TMTC1: variants seen among roughly 807,000 people sequenced by gnomAD.
TMTC1 encodes transmembrane O-mannosyltransferase targeting cadherins 1, also known as protein O-mannosyl-transferase TMTC1.
Under a neutral mutation model 104.8 loss-of-function variants are expected in TMTC1, and 73 were observed. The ratio of observed to expected loss-of-function variants is 0.70; its 90% CI spans 0.58 to 0.85. TMTC1 has a LOEUF of 0.85. Ranked by LOEUF, TMTC1 falls within the 40% of genes least tolerant of loss-of-function variation. The pLI is 0.00. For missense variants in TMTC1, 1,035 were observed against 1,096.1 expected (o/e 0.94, Z 0.79); for synonymous variants, 434 against 428.7 (o/e 1.01, Z -0.15).
intron 5 of TMTC1, chr12:29,658,601 A>C (rs185932115): frequency 4.2e-4 from 84 of 200,018 alleles, no homozygotes; most frequent in African/African-American, 1.9e-3. Flanking sequence ...GCTGGGTAAC[A>C]CTGTAGACTC....
chr12:29,754,642 C>A (rs901071946), intron 4 of TMTC1, among the ~76,000 whole-genome samples: 18 of 152,102 alleles, frequency 1.2e-4, no homozygotes, highest in African/African-American at 3.9e-4. Context: ...TCACATAGGC[C>A]AAAGGGAGGG....
At chr12:29,561,968 A>G (rs752528227) in intron 9 of TMTC1, among the ~76,000 whole-genome samples, 1 of 152,234 alleles carries the variant, frequency 6.6e-6, no homozygotes, top group Non-Finnish European at 1.5e-5. Flanking sequence ...TTCCACCATA[A>G]AACCAGAATT....
At chr12:29,720,752 C>CA (rs1487469545) in intron 5 of TMTC1, among the ~76,000 whole-genome samples, 5 of 151,930 alleles carry the variant, frequency 3.3e-5, no homozygotes, top group Admixed American at 6.6e-5. Flanking sequence ...TTAAAACAGA[C>CA]AATGGCCACA....
At chr12:29,540,331 A>T (rs1488798895) in intron 10 of TMTC1, among the ~76,000 whole-genome samples, 1 of 152,234 alleles carries the variant, frequency 6.6e-6, no homozygotes, top group Non-Finnish European at 1.5e-5. Context: ...ATTCAGCATT[A>T]TAAATTTGGC....
chr12:29,660,966 G>T, intron 5 of TMTC1: 1 of 743,056 alleles, frequency 1.3e-6, no homozygotes, highest in Non-Finnish European at 1.9e-6. Flanking sequence ...AGACGCTGCA[G>T]CTCTGAAGAA....
rs373093058 is a variant in TMTC1 at position 29,570,873 on chromosome 12, A to G, written c.1532+1232T>C. On this transcript the variant is annotated intron_variant, in intron 9 of 17. Transcript: ENST00000539277. The stretch of plus-strand genomic sequence containing the variant: ...AACAAAACAAAACAAAACAAAAAAA[A>G]CAGAAACACCCCCCCCCCCCGCCAA... 2.4e-3 allele frequency among the ~76,000 whole-genome samples: 102 copies of G among 42,922 alleles called. 3 individuals carry two copies. Among genetic ancestry groups the G allele is most frequent in the African/African-American group, 3.8e-3 (66 of 17,388 alleles). 28.2% of individuals were successfully genotyped at this position (42,922 alleles called of 152,430 possible). A position where few individuals can be genotyped will look rare whatever the true frequency, so the allele number is the denominator to read the frequency against.
At chr12:29,704,778 C>A (rs1389919404) in intron 5 of TMTC1, among the ~76,000 whole-genome samples, 7 of 152,164 alleles carry the variant, frequency 4.6e-5, no homozygotes. Flanking sequence ...TTATACAAGA[C>A]TTGACACTAG....
intron 5 of TMTC1, among the ~76,000 whole-genome samples, chr12:29,685,974 C>G (rs1941080637): frequency 6.7e-6 from 1 of 149,856 alleles, no homozygotes; most frequent in Non-Finnish European, 1.5e-5. Context: ...AGCCACTTTT[C>G]TTGATGTTGA....
chr12:29,527,100 G>A, intron 11 of TMTC1, among the ~76,000 whole-genome samples: 1 of 152,140 alleles, frequency 6.6e-6, no homozygotes, highest in East Asian at 1.9e-4. Flanking sequence ...AAGGAAAGAA[G>A]CCTGTCAAAT....
intron 5 of TMTC1, among the ~76,000 whole-genome samples, chr12:29,714,451 A>C (rs551567818): frequency 1.3e-5 from 2 of 152,180 alleles, no homozygotes; most frequent in African/African-American, 2.4e-5. Flanking sequence ...GAATTTTTTT[A>C]AACCACAAAT....
chr12:29,575,805 C>A (rs150026239), intron 8 of TMTC1, among the ~76,000 whole-genome samples: 193 of 152,288 alleles, frequency 1.3e-3, no homozygotes, highest in African/African-American at 4.5e-3. Flanking sequence ...TTTTTAATTT[C>A]TTGAGGACCC....
In TMTC1 at chr12:29,503,590, A is replaced by C. The variant is rs1430082689; in HGVS notation, c.*3256T>G. On this transcript the variant is annotated 3_prime_UTR_variant, in exon 18 of 18. Coordinates refer to ENST00000539277, the MANE Select transcript of TMTC1 (RefSeq NM_001193451.2). ...AAGAGGGGTGATATATACATGAGGA[A>C]CTCTAAATGTAGCTGGAAAAAAATA... is the stretch of plus-strand genomic sequence containing the variant. 1.3e-5 allele frequency: 2 copies of C among 152,164 alleles called. No individual in the cohort carries two copies. The highest frequency in any genetic ancestry group is 4.8e-5 in the African/African-American group (2 of 41,420). 9.4% of individuals were successfully genotyped at this position (152,164 alleles called of 1,614,324 possible). A position where few individuals can be genotyped will look rare whatever the true frequency, so the allele number is the denominator to read the frequency against.
chr12:29,736,915 G>A (rs551265546), intron 5 of TMTC1, among the ~76,000 whole-genome samples: 34 of 152,272 alleles, frequency 2.2e-4, no homozygotes, highest in Middle Eastern at 3.4e-3. Flanking sequence ...AATGCCACAC[G>A]TAAAGCAGTT....
At chr12:29,530,475 G>A (rs1944471919) in intron 11 of TMTC1, among the ~76,000 whole-genome samples, 1 of 152,150 alleles carries the variant, frequency 6.6e-6, no homozygotes, top group Non-Finnish European at 1.5e-5. Flanking sequence ...TGGAGACTGT[G>A]CATAGGGTGC....
intron 5 of TMTC1, among the ~76,000 whole-genome samples, chr12:29,656,574 T>C (rs1334022342): frequency 1.3e-5 from 2 of 151,878 alleles, no homozygotes; most frequent in African/African-American, 4.8e-5. Flanking sequence ...AGGCTGATAT[T>C]TTATATTTGA....
At chr12:29,543,980 A>G (rs1263245977) in intron 10 of TMTC1, among the ~76,000 whole-genome samples, 1 of 152,188 alleles carries the variant, frequency 6.6e-6, no homozygotes, top group East Asian at 1.9e-4. Flanking sequence ...GCAGTGGCTC[A>G]TGCCTGTAAT....
At chr12:29,527,747 C>A (rs529471433) in intron 11 of TMTC1, among the ~76,000 whole-genome samples, 4 of 152,312 alleles carry the variant, frequency 2.6e-5, no homozygotes, top group East Asian at 3.9e-4. Context: ...TCTAATATTA[C>A]TTTTTTTCCC....
intron 11 of TMTC1, among the ~76,000 whole-genome samples, chr12:29,522,044 T>C (rs1421479863): frequency 2.6e-5 from 4 of 152,208 alleles, no homozygotes; most frequent in Admixed American, 6.5e-5. Context: ...AATAAGATGA[T>C]TTGGCACAAA....
At chr12:29,700,298 T>C (rs954845972) in intron 5 of TMTC1, among the ~76,000 whole-genome samples, 3 of 151,368 alleles carry the variant, frequency 2.0e-5, no homozygotes, top group Non-Finnish European at 4.4e-5. Flanking sequence ...AGTGGTGTGA[T>C]CTTGGCTCAC....
Sources: allele counts gnomAD v4.1 joint callset (sites outside exome capture counted in the v4.1 genomes callset), GRCh38; gene constraint gnomAD v4.1.1; transcripts MANE v1.5; gene names NCBI Gene and HGNC (gene_info 2026-07-23, HGNC 2026-07-21).